The following TMEM128 variants were observed in gnomAD, a reference collection of about 807,000 sequenced individuals.
The protein encoded by TMEM128 is transmembrane protein 128.
Under a neutral mutation model 19.7 loss-of-function variants are expected in TMEM128, and 16 were observed. That is an observed-to-expected ratio of 0.81 (90% CI 0.55 to 1.23). TMEM128 has a LOEUF of 1.23. Among genes scored for constraint, TMEM128 ranks in the 50% most tolerant of loss-of-function variants. The pLI, the probability that TMEM128 is intolerant of heterozygous loss-of-function variation, is 0.00. For synonymous variants in TMEM128, 98 were observed against 75.8 expected, an observed-to-expected ratio of 1.29 and a Z score of -1.52; for missense variants, 237 against 200.8, an observed-to-expected ratio of 1.18 and a Z score of -1.09.
chr4:4,247,772 C>T, intron 1 of TMEM128: 1 of 1,499,576 alleles, frequency 6.7e-7, no homozygotes, highest in South Asian at 1.3e-5. Flanking sequence ...TTCGCTATTA[C>T]AAGCAATCCT....
At chr4:4,244,883 G>A (rs1272871941) in intron 2 of TMEM128, among the ~76,000 whole-genome samples, 1 of 152,178 alleles carries the variant, frequency 6.6e-6, no homozygotes, top group African/African-American at 2.4e-5. Flanking sequence ...ACATGGAGGG[G>A]CAGAAGATGG....
chr4:4,242,922 C>A (rs1412489767), intron 2 of TMEM128, among the ~76,000 whole-genome samples: 1 of 152,182 alleles, frequency 6.6e-6, no homozygotes, highest in Non-Finnish European at 1.5e-5. Context: ...CTAAGAGAAA[C>A]TACCTAGTCC....
intron 2 of TMEM128, among the ~76,000 whole-genome samples, chr4:4,241,539 A>G (rs1717956709): frequency 6.6e-6 from 1 of 152,232 alleles, no homozygotes; most frequent in South Asian, 2.1e-4. Context: ...AGAGAGAGGG[A>G]GAACAGATGG....
chr4:4,238,087 A>C (rs1717799221), intron 3 of TMEM128, 152 bp from the exon 4 acceptor site: 1 of 509,122 alleles, frequency 2.0e-6, no homozygotes, highest in Non-Finnish European at 3.5e-6. Flanking sequence ...TGACTTAGCC[A>C]ATGCTGGAAA....
chr4:4,245,326 G>A (rs1205941170), intron 2 of TMEM128, among the ~76,000 whole-genome samples: 1 of 152,112 alleles, frequency 6.6e-6, no homozygotes, highest in African/African-American at 2.4e-5. Flanking sequence ...GGAACTACTG[G>A]ACATCTGGTC....
In TMEM128 at chr4:4,246,195, T is replaced by C; in HGVS notation, c.239+7A>G. The C allele has an allele frequency of 6.3e-7, 1 of 1,578,844 alleles. No homozygotes were observed. Among genetic ancestry groups the C allele is most frequent in the Non-Finnish European group, 8.6e-7 (1 of 1,168,420 alleles). ...GTTTAATTTACAAAGCAATAAAATT[T>C]TCTTACCTGCTAGTGTGGAAGTTTT... On this transcript the variant is annotated splice_region_variant and intron_variant, in intron 2 of 4. Coordinates refer to ENST00000382753, the MANE Select transcript of TMEM128 (RefSeq NM_001297551.2).
intron 1 of TMEM128, chr4:4,247,770 T>A: frequency 6.7e-7 from 1 of 1,502,964 alleles, no homozygotes; most frequent in Non-Finnish European, 8.9e-7. Flanking sequence ...AATTCGCTAT[T>A]ACAAGCAATC....
At chr4:4,247,555 C>G in intron 1 of TMEM128, 1 of 1,613,818 alleles carries the variant, frequency 6.2e-7, no homozygotes, top group African/African-American at 1.3e-5. Flanking sequence ...CTACTGAATT[C>G]TTCCATATTC....
chr4:4,247,338 G>C (rs1391984419), intron 1 of TMEM128, among the ~76,000 whole-genome samples: 1 of 152,094 alleles, frequency 6.6e-6, no homozygotes, highest in Non-Finnish European at 1.5e-5. Context: ...GGAAACCCTG[G>C]GAAGCATGTT....
At position 4,248,006 on chromosome 4, in the gene TMEM128, G is replaced by C. The variant is rs999982262; in HGVS notation, c.97+100C>G. 4 of 1,480,772 alleles carry C rather than the reference G, an allele frequency of 2.7e-6. No individual in the cohort carries two copies. In the African/African-American group the frequency reaches 5.7e-5, roughly 21 times the overall value. The allele number at this position is 1,480,772 out of a possible 1,614,324, so 91.7% of individuals were successfully genotyped here. A position where few individuals can be genotyped will look rare whatever the true frequency, so the allele number is the denominator to read the frequency against. On this transcript the variant is annotated intron_variant, in intron 1 of 4. Transcript: ENST00000382753. The stretch of plus-strand genomic sequence containing the variant: ...CATTAAATATTCGACTTGCAAAGCC[G>C]AAACTCAGTCCTTCCAGACTGGGCC...
intron 2 of TMEM128, among the ~76,000 whole-genome samples, chr4:4,243,495 C>T (rs1424702730): frequency 2.0e-5 from 3 of 152,184 alleles, no homozygotes; most frequent in African/African-American, 4.8e-5. Flanking sequence ...TCACCTCAGG[C>T]GTCAGAAGAA....
intron 2 of TMEM128, among the ~76,000 whole-genome samples, chr4:4,243,097 T>C (rs565880371): frequency 6.6e-6 from 1 of 152,158 alleles, no homozygotes; most frequent in South Asian, 2.1e-4. Flanking sequence ...TTAATTTTTT[T>C]AAGACGGAGT....
chr4:4,247,772 C>A, intron 1 of TMEM128: 1 of 1,499,578 alleles, frequency 6.7e-7, no homozygotes, highest in Non-Finnish European at 8.9e-7. Context: ...TTCGCTATTA[C>A]AAGCAATCCT....
In TMEM128 at chr4:4,237,468, G is replaced by A. The variant is rs1241390917; in HGVS notation, c.*9+359C>T. ...AGCCTGGGCAACATAAGGAGACTCT[G>A]TTTCTACAAAAAAATTTTTAAAAAT... On this transcript the variant is annotated intron_variant, in intron 4 of 4. Transcript: ENST00000382753. Among the ~76,000 whole-genome samples, 5 of 152,194 alleles carry A rather than the reference G, an allele frequency of 3.3e-5. No individual in the cohort carries two copies. In the East Asian group the frequency reaches 7.7e-4, roughly 23 times the overall value.
chr4:4,238,923 C>T (rs1717833027), intron 3 of TMEM128, among the ~76,000 whole-genome samples: 1 of 152,086 alleles, frequency 6.6e-6, no homozygotes, highest in African/African-American at 2.4e-5. Context: ...GTCCCAACTA[C>T]TCGGGAGGCT....
rs1191770641 is a variant in TMEM128, at chr4:4,240,331, C to T, written c.388G>A (p.Ala130Thr). The T allele has an allele frequency of 5.6e-6, 9 of 1,612,736 alleles. No homozygotes were observed. The highest frequency in any genetic ancestry group is 7.6e-6 in the Non-Finnish European group (9 of 1,179,596). The change falls in exon 3 of 5, where the codon GCA becomes ACA. Residue 130 changes from alanine (A) to threonine (T), a missense_variant. Coordinates refer to ENST00000382753, the MANE Select transcript of TMEM128 (RefSeq NM_001297551.2). ...TCAAAGTTAACTTACCAAATTCCTG[C>T]TGCAATAAAGGAGGCAGTGGTAATG... ...IPITTASFIAAGICFNIALWH... is the reference protein window; with the variant it reads ...IPITTASFIATGICFNIALWH...
intron 2 of TMEM128, among the ~76,000 whole-genome samples, chr4:4,242,510 T>C (rs908926893): frequency 4.9e-5 from 7 of 143,496 alleles, no homozygotes; most frequent in Non-Finnish European, 9.4e-5. Flanking sequence ...CATGTGGATA[T>C]GAGAAAAAAA....
At chr4:4,237,114 C>T (rs1717751871) in intron 4 of TMEM128, 3 of 453,920 alleles carry the variant, frequency 6.6e-6, no homozygotes, top group South Asian at 1.6e-5. Context: ...TAACACCAAA[C>T]GAAAGCTGAT....
In TMEM128 at chr4:4,240,804, G is replaced by A. The variant is rs189007343; in HGVS notation, c.240-325C>T. Among the ~76,000 whole-genome samples, 1,308 of 152,312 alleles carry A rather than the reference G, an allele frequency of 8.6e-3. 12 individuals carry two copies. Among genetic ancestry groups the A allele is most frequent in the African/African-American group, 0.021 (854 of 41,562 alleles). ...TAAAAATACAAGGAAGAGGCCGGGC[G>A]CAGTGGCTCATGCCTATAATCCCAA... On this transcript the variant is annotated intron_variant, in intron 2 of 4. Coordinates refer to ENST00000382753, the MANE Select transcript of TMEM128 (RefSeq NM_001297551.2).
Sources: gnomAD v4.1 joint callset for allele counts (sites outside exome capture counted in the v4.1 genomes callset) on GRCh38, gnomAD v4.1.1 for gene constraint, MANE v1.5 for transcripts, NCBI Gene and HGNC (gene_info 2026-07-23, HGNC 2026-07-21) for gene names.